Variants in HYDIN observed in about 807,000 individuals in gnomAD.
HYDIN encodes the protein axonemal central pair apparatus protein HYDIN.
In HYDIN, 132 loss-of-function variants were observed where a neutral mutation model predicts 403.9. The observed-to-expected ratio is 0.33, with a 90% CI of 0.28 to 0.38. The LOEUF (loss-of-function observed/expected upper bound fraction) is 0.38, where lower values mean the gene tolerates loss of function less well. HYDIN is among the 10% of genes least tolerant of loss of function. HYDIN has a pLI of 1.00. For missense variants in HYDIN, 2,827 were observed against 5,009.5 expected, an observed-to-expected ratio of 0.56 and a Z score of 13.15; for synonymous variants, 1,202 against 1,891.7, an observed-to-expected ratio of 0.64 and a Z score of 9.46.
chr16:71,107,930 A>G (rs905749073), intron 10 of HYDIN, among the ~76,000 whole-genome samples: 3 of 152,206 alleles, frequency 2.0e-5, no homozygotes, highest in African/African-American at 4.8e-5. Context: ...AAGCCCATCA[A>G]TGGTAGACTG....
intron 79 of HYDIN, among the ~76,000 whole-genome samples, chr16:70,833,465 C>T (rs1798371): frequency 0.32 from 21,676 of 67,754 alleles, 4,667 homozygotes; most frequent in Middle Eastern, 0.53. Context: ...GCACTGCTTC[C>T]TGGTTCAGAT....
chr16:71,111,197 GA>G (rs1236948097), intron 10 of HYDIN, among the ~76,000 whole-genome samples: 1 of 128,156 alleles, frequency 7.8e-6, no homozygotes, highest in East Asian at 2.3e-4. Context: ...AACAGGAATA[GA>G]GGACAAAAGA....
At chr16:71,181,801 C>CA (rs2086915135) in intron 3 of HYDIN, among the ~76,000 whole-genome samples, 1 of 151,512 alleles carries the variant, frequency 6.6e-6, no homozygotes, top group Admixed American at 6.6e-5. Context: ...TGAACAAAGC[C>CA]AAAAAAAGCC....
At chr16:71,101,803 G>GTA (rs1413408426) in intron 10 of HYDIN, among the ~76,000 whole-genome samples, 1 of 152,076 alleles carries the variant, frequency 6.6e-6, no homozygotes, top group Non-Finnish European at 1.5e-5. Context: ...AAACCTGAGT[G>GTA]TATACATCCT....
intron 64 of HYDIN, among the ~76,000 whole-genome samples, chr16:70,872,848 C>A (rs1457462020): frequency 6.6e-6 from 1 of 150,868 alleles, no homozygotes; most frequent in Non-Finnish European, 1.5e-5. Flanking sequence ...CCATCATCCA[C>A]CCACCCATCC....
At chr16:70,948,062 C>T (rs1395716404) in intron 41 of HYDIN, among the ~76,000 whole-genome samples, 1 of 151,448 alleles carries the variant, frequency 6.6e-6, no homozygotes. Context: ...AACTATACTA[C>T]AAGGCTACAG....
chr16:71,100,361 C>T (rs1032906776), intron 10 of HYDIN, among the ~76,000 whole-genome samples: 13 of 152,096 alleles, frequency 8.5e-5, no homozygotes, highest in Admixed American at 2.6e-4. Flanking sequence ...CTAAACAAAA[C>T]GCCAGCAGGT....
intron 1 of HYDIN, among the ~76,000 whole-genome samples, chr16:71,225,070 C>T (rs936562085): frequency 6.6e-6 from 1 of 152,128 alleles, no homozygotes; most frequent in Admixed American, 6.5e-5. Context: ...TAAAATCTGG[C>T]AAGACGAACA....
rs530634124 is a variant in HYDIN, at chr16:71,218,925, A to T, written c.-24+11637T>A. On this transcript the variant is annotated intron_variant, in intron 1 of 85. Transcript: ENST00000393567. The stretch of plus-strand genomic sequence containing the variant: ...CAGGCATATTCCAAAGCATTGCAAG[A>T]CTACTTTTGGCTTCATAAACACAAA... 3.9e-5 allele frequency among the ~76,000 whole-genome samples: 6 copies of T among 152,340 alleles called. No individual in the cohort carries two copies. The East Asian group carries it at 1.2e-3, about 29-fold the overall frequency.
At chr16:71,123,698 TACC>T (rs2084342460) in intron 9 of HYDIN, among the ~76,000 whole-genome samples, 1 of 144,814 alleles carries the variant, frequency 6.9e-6, no homozygotes, top group Admixed American at 6.9e-5. Flanking sequence ...CTCCCATAAT[TACC>T]ACATGTTGTG....
At chr16:70,835,475 A>G (rs1319730097) in intron 78 of HYDIN, among the ~76,000 whole-genome samples, 1 of 152,236 alleles carries the variant, frequency 6.6e-6, no homozygotes, top group Non-Finnish European at 1.5e-5. Flanking sequence ...CGTTTTCACA[A>G]AAACAGTGTG....
intron 18 of HYDIN, among the ~76,000 whole-genome samples, chr16:71,041,038 A>T (rs1165774363): frequency 6.6e-6 from 1 of 150,600 alleles, no homozygotes; most frequent in Non-Finnish European, 1.5e-5. Context: ...CTCTTTGAAG[A>T]AGGAAACTAT....
intron 45 of HYDIN, among the ~76,000 whole-genome samples, chr16:70,923,437 C>T (rs2077055531): frequency 7.4e-6 from 1 of 134,848 alleles, no homozygotes; most frequent in Non-Finnish European, 1.6e-5. Flanking sequence ...CATTGCACTC[C>T]AGCCTCGGCA....
At position 71,062,420 on chromosome 16, in the gene HYDIN, C is replaced by T. The variant is rs150796321; in HGVS notation, c.2212-87G>A. ...TTATTTTGAAGTGTTTTCCTGAGTC[C>T]GTAGAGGTGTTTTAGAAATGTCTTA... On this transcript the variant is annotated intron_variant, in intron 16 of 85. Coordinates refer to ENST00000393567, the MANE Select transcript of HYDIN (RefSeq NM_001270974.2). 6.1e-4 allele frequency: 673 copies of T among 1,102,792 alleles called. 6 individuals are homozygous for T. In the African/African-American group the frequency reaches 8.7e-3, roughly 14 times the overall value. 68.3% of individuals were successfully genotyped at this position (1,102,792 alleles called of 1,614,324 possible). A position where few individuals can be genotyped will look rare whatever the true frequency, so the allele number is the denominator to read the frequency against.
chr16:71,112,902 C>A (rs1166605864), intron 10 of HYDIN, among the ~76,000 whole-genome samples: 4 of 152,034 alleles, frequency 2.6e-5, no homozygotes, highest in Non-Finnish European at 5.9e-5. Flanking sequence ...TTATTTAAGG[C>A]TATAAATAAA....
At chr16:70,843,484 A>G (rs2037980816) in intron 75 of HYDIN, among the ~76,000 whole-genome samples, 1 of 130,264 alleles carries the variant, frequency 7.7e-6, no homozygotes. Context: ...GCTATTGTGA[A>G]TAATGCTGCA....
intron 76 of HYDIN, among the ~76,000 whole-genome samples, chr16:70,839,393 T>G (rs2037658908): frequency 6.7e-6 from 1 of 148,454 alleles, no homozygotes; most frequent in African/African-American, 2.6e-5. Flanking sequence ...TTATTAAAAT[T>G]AAAATTAACA....
At chr16:71,196,041 T>A (rs762513282) in intron 1 of HYDIN, among the ~76,000 whole-genome samples, 7 of 152,230 alleles carry the variant, frequency 4.6e-5, no homozygotes, top group African/African-American at 1.7e-4. Flanking sequence ...GTGCTTATTA[T>A]TTGTGAGCCC....
chr16:71,181,264 A>G (rs932904245), intron 3 of HYDIN, among the ~76,000 whole-genome samples: 2 of 151,682 alleles, frequency 1.3e-5, no homozygotes, highest in Non-Finnish European at 2.9e-5. Flanking sequence ...CGGAAATGCA[A>G]AGGACCAAGA....
Sources: gnomAD v4.1 joint callset for allele counts (sites outside exome capture counted in the v4.1 genomes callset) on GRCh38, gnomAD v4.1.1 for gene constraint, MANE v1.5 for transcripts, NCBI Gene and HGNC (gene_info 2026-07-23, HGNC 2026-07-21) for gene names.